LPGAT1: variants seen among roughly 807,000 people sequenced by gnomAD.
LPGAT1 encodes lysophosphatidylglycerol acyltransferase 1, also known as acyl-CoA:lysophosphatidylglycerol acyltransferase 1.
In LPGAT1, 11 loss-of-function variants were observed where a neutral mutation model predicts 47.5. The ratio of observed to expected loss-of-function variants is 0.23; its 90% CI spans 0.15 to 0.38. The LOEUF is 0.38. Ranked by LOEUF, LPGAT1 falls within the 10% of genes least tolerant of loss-of-function variation. LPGAT1 has a pLI of 1.00. For missense variants in LPGAT1, 293 were observed against 439.0 expected (o/e 0.67, Z 2.97); for synonymous variants, 138 against 144.2 (o/e 0.96, Z 0.31).
intron 6 of LPGAT1, among the ~76,000 whole-genome samples, chr1:211,761,309 C>G (rs1402937090): frequency 2.6e-5 from 4 of 152,160 alleles, no homozygotes; most frequent in Non-Finnish European, 5.9e-5. Context: ...ATTAAAAACC[C>G]ATGTCAGACC....
chr1:211,802,880 A>C (rs1056888292), intron 2 of LPGAT1: 4 of 152,208 alleles, frequency 2.6e-5, no homozygotes, highest in Admixed American at 2.6e-4. Context: ...GAGCCAACAA[A>C]CTGTCAGAAA....
At chr1:211,823,941 CA>C (rs1161160344) in intron 2 of LPGAT1, among the ~76,000 whole-genome samples, 3,466 of 106,840 alleles carry the variant, frequency 0.032, 43 homozygotes, top group Middle Eastern at 0.043. Flanking sequence ...ATCTGTCTCT[CA>C]AAAAAAAAAA....
intron 6 of LPGAT1, among the ~76,000 whole-genome samples, chr1:211,762,689 C>T (rs1268094714): frequency 6.6e-6 from 1 of 152,108 alleles, no homozygotes; most frequent in Non-Finnish European, 1.5e-5. Flanking sequence ...AAGAAATGAA[C>T]ATTCTTATTA....
At chr1:211,828,544 A>G (rs1185414649) in intron 2 of LPGAT1, among the ~76,000 whole-genome samples, 2 of 152,214 alleles carry the variant, frequency 1.3e-5, no homozygotes, top group Non-Finnish European at 2.9e-5. Flanking sequence ...TAAAATATAG[A>G]TTCTAATAAA....
intron 1 of LPGAT1, 171 bp from the exon 2 acceptor site, chr1:211,829,494 AG>A: frequency 7.0e-7 from 1 of 1,431,854 alleles, no homozygotes; most frequent in Non-Finnish European, 9.1e-7. Context: ...ACAGAGAGCG[AG>A]GGAGGAGGAG....
intron 5 of LPGAT1, among the ~76,000 whole-genome samples, chr1:211,782,977 G>T (rs1313538622): frequency 1.3e-5 from 2 of 152,128 alleles, no homozygotes; most frequent in Admixed American, 6.5e-5. Context: ...CTGCAGCGGT[G>T]GGAATGGCTC....
At chr1:211,793,882 A>AT (rs1417555078) in intron 2 of LPGAT1, among the ~76,000 whole-genome samples, 3 of 152,238 alleles carry the variant, frequency 2.0e-5, no homozygotes, top group Non-Finnish European at 4.4e-5. Flanking sequence ...ATGATGTAAT[A>AT]GGAGAGTATA....
intron 6 of LPGAT1, among the ~76,000 whole-genome samples, chr1:211,776,874 C>G (rs1390124057): frequency 2.6e-5 from 4 of 152,090 alleles, no homozygotes; most frequent in African/African-American, 9.7e-5. Context: ...CCTTTTCCTA[C>G]ACTTTGGGCA....
chr1:211,830,546 G>T lies in LPGAT1; in HGVS notation c.-28+27C>A. The T allele has an allele frequency of 8.3e-7, 1 of 1,207,060 alleles. No individual in the cohort carries two copies. The highest frequency in any genetic ancestry group is 1.0e-6 in the Non-Finnish European group (1 of 971,894). 74.8% of individuals were successfully genotyped at this position (1,207,060 alleles called of 1,614,324 possible). On this transcript the variant is annotated intron_variant, in intron 1 of 7. Transcript: ENST00000366997. The surrounding 1 kb of genome is among the most constrained non-coding windows in gnomAD (Gnocchi z 5.9). Reference sequence around the variant, plus strand: ...GGCCCGGCTCCGCTGCCGCTCTGGGGCCTGCGACCGCGGAGCCGGAGGTTA... The same window carrying T: ...GGCCCGGCTCCGCTGCCGCTCTGGGTCCTGCGACCGCGGAGCCGGAGGTTA...
chr1:211,757,451 C>A (rs1235842560), intron 6 of LPGAT1, among the ~76,000 whole-genome samples: 2 of 152,146 alleles, frequency 1.3e-5, no homozygotes, highest in Non-Finnish European at 2.9e-5. Flanking sequence ...ATATATTTGG[C>A]ATATGATAAA....
intron 6 of LPGAT1, 72 bp from the exon 7 acceptor site, chr1:211,751,139 A>G: frequency 1.0e-6 from 1 of 958,800 alleles, no homozygotes; most frequent in Non-Finnish European, 1.6e-6. Flanking sequence ...ACCACAACTT[A>G]TGATGAAAAG....
At chr1:211,820,596 T>C (rs546715412) in intron 2 of LPGAT1, among the ~76,000 whole-genome samples, 3 of 145,036 alleles carry the variant, frequency 2.1e-5, no homozygotes, top group African/African-American at 5.0e-5. Context: ...AAGAAACTGA[T>C]AGGAGAACAA....
chr1:211,805,848 A>G (rs1659736849), intron 2 of LPGAT1, among the ~76,000 whole-genome samples: 1 of 152,232 alleles, frequency 6.6e-6, no homozygotes, highest in Non-Finnish European at 1.5e-5. Context: ...CAAAAGCTAC[A>G]GACTAAAACC....
At chr1:211,781,659 G>C (rs998111852) in intron 5 of LPGAT1, among the ~76,000 whole-genome samples, 6 of 152,090 alleles carry the variant, frequency 3.9e-5, no homozygotes, top group Non-Finnish European at 5.9e-5. Context: ...AAAACACATT[G>C]TTTCTGAGGG....
chr1:211,814,240 A>G (rs1660095075), intron 2 of LPGAT1, among the ~76,000 whole-genome samples: 1 of 152,248 alleles, frequency 6.6e-6, no homozygotes, highest in African/African-American at 2.4e-5. Flanking sequence ...CACTGGAGGA[A>G]ATCTCAGCCC....
In LPGAT1 at chr1:211,809,286, A is replaced by G. The variant is rs1325876372; in HGVS notation, c.239-16096T>C. Among the ~76,000 whole-genome samples, 3 of 152,130 alleles carry G rather than the reference A, an allele frequency of 2.0e-5. No homozygotes were observed. In the East Asian group the frequency reaches 5.8e-4, roughly 29 times the overall value. On this transcript the variant is annotated intron_variant, in intron 2 of 7. Transcript: ENST00000366997. ...TAAGTTTCTTTCTATAGTATGTCCC[A>G]ATAACAGCACTTCCACCTGTACAAA... is the stretch of plus-strand genomic sequence containing the variant.
At chr1:211,754,270 T>C (rs545131088) in intron 6 of LPGAT1, among the ~76,000 whole-genome samples, 1 of 152,342 alleles carries the variant, frequency 6.6e-6, no homozygotes, top group Non-Finnish European at 1.5e-5. Context: ...TTCCCAAGTT[T>C]AGTAATGCTT....
intron 4 of LPGAT1, among the ~76,000 whole-genome samples, chr1:211,785,321 C>G (rs1287057995): frequency 6.6e-6 from 1 of 152,100 alleles, no homozygotes; most frequent in East Asian, 1.9e-4. Context: ...TTTTACTATT[C>G]TTGGAAAAGC....
chr1:211,819,006 C>A (rs1043085019), intron 2 of LPGAT1, among the ~76,000 whole-genome samples: 1 of 152,102 alleles, frequency 6.6e-6, no homozygotes, highest in Non-Finnish European at 1.5e-5. Context: ...TAATAATCAA[C>A]CAGTGTACAA....
Sources: gnomAD v4.1 joint callset for allele counts (sites outside exome capture counted in the v4.1 genomes callset) on GRCh38, gnomAD v4.1.1 for gene constraint, Gnocchi (gnomAD v3.1) non-coding constraint, MANE v1.5 for transcripts, NCBI Gene and HGNC (gene_info 2026-07-23, HGNC 2026-07-21) for gene names.